The following CNTNAP2 variants were observed in gnomAD, a reference collection of about 807,000 sequenced individuals.
CNTNAP2 encodes contactin associated protein 2.
A neutral mutation model predicts 155.2 loss-of-function variants in CNTNAP2; 98 were observed. The observed-to-expected ratio is 0.63, with a 90% CI of 0.54 to 0.75. The LOEUF is 0.75. Ranked by LOEUF, CNTNAP2 falls within the 30% of genes least tolerant of loss-of-function variation. The pLI is 0.00. For missense variants in CNTNAP2, 1,727 were observed against 1,688.1 expected, an observed-to-expected ratio of 1.02 and a Z score of -0.40; for synonymous variants, 651 against 631.2, an observed-to-expected ratio of 1.03 and a Z score of -0.47.
chr7:146,957,177 T>C (rs1467644444), intron 3 of CNTNAP2, among the ~76,000 whole-genome samples: 1 of 152,196 alleles, frequency 6.6e-6, no homozygotes, highest in Non-Finnish European at 1.5e-5. Flanking sequence ...TTTCCTAGGC[T>C]ATAAAAATTT....
intron 15 of CNTNAP2, among the ~76,000 whole-genome samples, chr7:148,049,677 CTATG>C (rs773649454): frequency 7.2e-5 from 11 of 152,154 alleles, no homozygotes; most frequent in Non-Finnish European, 1.5e-4. Flanking sequence ...CACATTACTC[CTATG>C]TTTGTGATGA....
intron 21 of CNTNAP2, among the ~76,000 whole-genome samples, chr7:148,322,795 G>C (rs1407606078): frequency 1.1e-5 from 1 of 93,910 alleles, no homozygotes; most frequent in Non-Finnish European, 2.2e-5. Flanking sequence ...TTGTTTTTTG[G>C]GGTTTTTTTT....
intron 13 of CNTNAP2, among the ~76,000 whole-genome samples, chr7:147,827,491 A>G (rs1185387639): frequency 6.6e-6 from 1 of 152,242 alleles, no homozygotes; most frequent in Non-Finnish European, 1.5e-5. Flanking sequence ...TTTGCTCTAA[A>G]TAGTGTGGGC....
intron 1 of CNTNAP2, among the ~76,000 whole-genome samples, chr7:146,375,687 A>G (rs575852247): frequency 7.2e-5 from 11 of 152,368 alleles, no homozygotes; most frequent in Admixed American, 2.6e-4. Flanking sequence ...AAAGGCAACC[A>G]AACAATGAAA....
chr7:147,934,154 A>G (rs1256369823), intron 14 of CNTNAP2, among the ~76,000 whole-genome samples: 1 of 152,220 alleles, frequency 6.6e-6, no homozygotes, highest in Non-Finnish European at 1.5e-5. Context: ...AATACTGTAC[A>G]CTTAAAAATT....
intron 8 of CNTNAP2, among the ~76,000 whole-genome samples, chr7:147,179,612 G>T (rs6959477): frequency 2.6e-5 from 4 of 152,130 alleles, no homozygotes; most frequent in Admixed American, 2.6e-4. Flanking sequence ...TTCACCAAAA[G>T]GGTAGGTAAT....
At chr7:147,411,114 A>G (rs1163953088) in intron 10 of CNTNAP2, among the ~76,000 whole-genome samples, 2 of 152,232 alleles carry the variant, frequency 1.3e-5, no homozygotes, top group Non-Finnish European at 2.9e-5. Flanking sequence ...TTCATTAGTT[A>G]GAAGTTTTCT....
intron 11 of CNTNAP2, among the ~76,000 whole-genome samples, chr7:147,506,179 T>C (rs771399436): frequency 5.9e-5 from 9 of 152,174 alleles, no homozygotes; most frequent in Non-Finnish European, 1.0e-4. Flanking sequence ...CTAAGACCCA[T>C]CAATATGAGG....
At chr7:146,173,645 G>A (rs756340075) in intron 1 of CNTNAP2, among the ~76,000 whole-genome samples, 2 of 151,956 alleles carry the variant, frequency 1.3e-5, no homozygotes, top group African/African-American at 4.8e-5. Flanking sequence ...CTTATTTTTT[G>A]TAATAGTTGG....
intron 11 of CNTNAP2, among the ~76,000 whole-genome samples, chr7:147,514,340 TTC>T (rs757367273): frequency 8.2e-4 from 125 of 151,998 alleles, no homozygotes; most frequent in Non-Finnish European, 1.5e-3. Context: ...TTAATTTTTT[TTC>T]TGTTTATAAA....
At chr7:147,315,577 G>C in intron 9 of CNTNAP2, among the ~76,000 whole-genome samples, 1 of 150,974 alleles carries the variant, frequency 6.6e-6, no homozygotes, top group South Asian at 2.1e-4. Context: ...CGCCTCCCGG[G>C]TTCACGCCAT....
chr7:147,839,625 A>G (rs1025591076), intron 13 of CNTNAP2, among the ~76,000 whole-genome samples: 15 of 152,268 alleles, frequency 9.9e-5, no homozygotes, highest in Admixed American at 8.5e-4. Flanking sequence ...GGATCTTAAC[A>G]GCATCCCTGG....
At chr7:147,015,404 C>G (rs1290709299) in intron 3 of CNTNAP2, among the ~76,000 whole-genome samples, 2 of 151,962 alleles carry the variant, frequency 1.3e-5, no homozygotes, top group African/African-American at 2.4e-5. Flanking sequence ...ATTTTTTATT[C>G]TATAGCTAAC....
chr7:148,248,970 G>A (rs569407507), intron 20 of CNTNAP2, among the ~76,000 whole-genome samples: 1 of 152,266 alleles, frequency 6.6e-6, no homozygotes, highest in South Asian at 2.1e-4. Context: ...GACTGATGAT[G>A]TTTAGCGACT....
chr7:148,320,706 A>C (rs1797778217), intron 21 of CNTNAP2, among the ~76,000 whole-genome samples: 1 of 152,092 alleles, frequency 6.6e-6, no homozygotes, highest in Non-Finnish European at 1.5e-5. Context: ...TTAGGTTCCC[A>C]CTATTCCACC....
intron 13 of CNTNAP2, among the ~76,000 whole-genome samples, chr7:147,693,690 C>T (rs1199930018): frequency 1.3e-5 from 2 of 151,878 alleles, no homozygotes; most frequent in Admixed American, 6.6e-5. Context: ...TTGTATCTTG[C>T]AACCTTACTA....
intron 16 of CNTNAP2, among the ~76,000 whole-genome samples, chr7:148,129,286 C>T (rs988376764): frequency 2.6e-5 from 4 of 152,110 alleles, no homozygotes. Context: ...GCAGGATTTC[C>T]TCAAAGACAT....
intron 1 of CNTNAP2, among the ~76,000 whole-genome samples, chr7:146,293,500 C>T (rs960480169): frequency 1.3e-5 from 2 of 152,092 alleles, no homozygotes; most frequent in African/African-American, 4.8e-5. Context: ...ATGAAGGATG[C>T]TTCTGAAACA....
intron 2 of CNTNAP2, among the ~76,000 whole-genome samples, chr7:146,798,294 CT>C (rs552413476): frequency 4.6e-5 from 7 of 151,380 alleles, no homozygotes; most frequent in Non-Finnish European, 1.0e-4. Context: ...AAAAAAAAGA[CT>C]TTTTTTGTGG....
Sources: allele counts gnomAD v4.1 joint callset (sites outside exome capture counted in the v4.1 genomes callset), GRCh38; gene constraint gnomAD v4.1.1; transcripts MANE v1.5; gene names NCBI Gene and HGNC (gene_info 2026-07-23, HGNC 2026-07-21).